Variants in ANKS1B observed in about 807,000 individuals in gnomAD.
ANKS1B encodes the protein ankyrin repeat and sterile alpha motif domain-containing protein 1B.
In ANKS1B, 36 loss-of-function variants were observed where a neutral mutation model predicts 148.3. That is an observed-to-expected ratio of 0.24 (90% CI 0.19 to 0.32). The LOEUF (loss-of-function observed/expected upper bound fraction) is 0.32. Among genes scored for constraint, ANKS1B ranks in the 10% least tolerant of loss-of-function variants. The probability of loss-of-function intolerance (pLI) is 1.00; values close to 1 mark genes in which losing one functional copy is unlikely to be tolerated. For missense variants in ANKS1B, 1,157 were observed against 1,542.6 expected (o/e 0.75, Z 4.19); for synonymous variants, 542 against 560.8 (o/e 0.97, Z 0.47).
At chr12:99,661,843 T>C (rs1393032748) in intron 8 of ANKS1B, among the ~76,000 whole-genome samples, 2 of 152,226 alleles carry the variant, frequency 1.3e-5, no homozygotes, top group African/African-American at 2.4e-5. Flanking sequence ...GGCTAAGTCA[T>C]AACCATGGGA....
intron 14 of ANKS1B, among the ~76,000 whole-genome samples, chr12:99,200,179 T>C (rs986944895): frequency 6.6e-6 from 1 of 152,248 alleles, no homozygotes; most frequent in African/African-American, 2.4e-5. Flanking sequence ...AGAAAAATAC[T>C]TGCATTCTAG....
At chr12:99,652,923 T>C (rs575496818) in intron 9 of ANKS1B, among the ~76,000 whole-genome samples, 1 of 152,252 alleles carries the variant, frequency 6.6e-6, no homozygotes, top group South Asian at 2.1e-4. Context: ...CTAAATAAGA[T>C]GAATTAAATG....
chr12:99,856,492 CA>C (rs879662489), intron 1 of ANKS1B, among the ~76,000 whole-genome samples: 16 of 151,786 alleles, frequency 1.1e-4, no homozygotes, highest in Non-Finnish European at 2.4e-4. Context: ...GACATTATTC[CA>C]AAAGAGAGAA....
chr12:99,198,110 C>T (rs571258588), intron 14 of ANKS1B, among the ~76,000 whole-genome samples: 1 of 152,204 alleles, frequency 6.6e-6, no homozygotes, highest in African/African-American at 2.4e-5. Flanking sequence ...CTTAGCATCA[C>T]TCCTAGGAAT....
At chr12:99,819,554 A>G (rs562369781) in intron 2 of ANKS1B, among the ~76,000 whole-genome samples, 2 of 152,020 alleles carry the variant, frequency 1.3e-5, no homozygotes, top group East Asian at 3.9e-4. Context: ...GTAGAAGAAT[A>G]GAAAATATCT....
intron 1 of ANKS1B, among the ~76,000 whole-genome samples, chr12:99,952,802 T>C (rs554232836): frequency 7.2e-4 from 109 of 152,340 alleles, no homozygotes; most frequent in African/African-American, 2.1e-3. Flanking sequence ...GCATTCTTCC[T>C]TTATTTTTCA....
At chr12:99,190,030 T>C (rs775877364) in intron 14 of ANKS1B, among the ~76,000 whole-genome samples, 1 of 152,116 alleles carries the variant, frequency 6.6e-6, no homozygotes, top group Non-Finnish European at 1.5e-5. Context: ...ATCACAAGCA[T>C]TCCTATACAT....
intron 17 of ANKS1B, among the ~76,000 whole-genome samples, chr12:98,926,996 T>C (rs902600040): frequency 3.0e-4 from 45 of 152,102 alleles, no homozygotes; most frequent in Non-Finnish European, 4.4e-5. Flanking sequence ...ATGAAAACTA[T>C]TAATCCACAC....
At chr12:99,746,969 G>A (rs2060655687) in intron 8 of ANKS1B, among the ~76,000 whole-genome samples, 2 of 151,978 alleles carry the variant, frequency 1.3e-5, no homozygotes, top group South Asian at 2.1e-4. Context: ...TCATGGAACT[G>A]GAACTACAAA....
intron 22 of ANKS1B, among the ~76,000 whole-genome samples, chr12:98,787,777 G>A (rs914724688): frequency 5.3e-5 from 8 of 151,778 alleles, no homozygotes; most frequent in East Asian, 1.9e-4. Flanking sequence ...ATAATTAGCC[G>A]GGCATGGTGG....
chr12:99,329,964 T>C lies in ANKS1B; in HGVS notation c.1756+69667A>G, dbSNP rs145507514. Among the ~76,000 whole-genome samples, 605 of 152,034 alleles carry C rather than the reference T, an allele frequency of 4.0e-3. 4 individuals are homozygous for C. The highest frequency in any genetic ancestry group is 0.014 in the African/African-American group (576 of 41,516). ...GCATTCACATTTATCATTGTTCTTA[T>C]GTCCTAAACTTGCATCTATTTCTCC... On this transcript the variant is annotated intron_variant, in intron 12 of 26. Transcript: ENST00000683438.
intron 11 of ANKS1B, among the ~76,000 whole-genome samples, chr12:99,410,352 A>AT: frequency 6.6e-6 from 1 of 151,844 alleles, no homozygotes; most frequent in East Asian, 1.9e-4. Flanking sequence ...AAAAAAAAAA[A>AT]TTGTGACCCT....
intron 12 of ANKS1B, among the ~76,000 whole-genome samples, chr12:99,250,314 G>A (rs2074416720): frequency 6.6e-6 from 1 of 152,202 alleles, no homozygotes; most frequent in Admixed American, 6.5e-5. Flanking sequence ...ACGATTGTTA[G>A]TTTGCATAAG....
intron 9 of ANKS1B, among the ~76,000 whole-genome samples, chr12:99,528,319 G>A (rs957028713): frequency 2.6e-5 from 4 of 151,348 alleles, no homozygotes; most frequent in Non-Finnish European, 5.9e-5. Context: ...ACTAGACAAA[G>A]ATTTCCTGAT....
intron 24 of ANKS1B, among the ~76,000 whole-genome samples, chr12:98,774,515 G>GA (rs1396284954): frequency 6.6e-6 from 1 of 152,206 alleles, no homozygotes; most frequent in East Asian, 1.9e-4. Context: ...AAGAAAAAAA[G>GA]AAAAAAATTC....
intron 1 of ANKS1B, among the ~76,000 whole-genome samples, chr12:99,903,646 C>T (rs2153774478): frequency 6.6e-6 from 1 of 152,036 alleles, no homozygotes; most frequent in African/African-American, 2.4e-5. Flanking sequence ...TGTATTTAAA[C>T]CAATGTATCC....
At chr12:99,334,083 C>T (rs1301271621) in intron 12 of ANKS1B, among the ~76,000 whole-genome samples, 1 of 151,622 alleles carries the variant, frequency 6.6e-6, no homozygotes, top group Non-Finnish European at 1.5e-5. Context: ...TCATGTTTAG[C>T]TTGACTTCCA....
intron 25 of ANKS1B, among the ~76,000 whole-genome samples, chr12:98,759,590 G>A (rs1335244884): frequency 6.6e-6 from 1 of 152,168 alleles, no homozygotes; most frequent in Non-Finnish European, 1.5e-5. Flanking sequence ...ATTTTAACTG[G>A]TACATCACTA....
At chr12:99,484,927 TCTC>T (rs1269219139) in intron 10 of ANKS1B, among the ~76,000 whole-genome samples, 1 of 151,818 alleles carries the variant, frequency 6.6e-6, no homozygotes, top group Non-Finnish European at 1.5e-5. Flanking sequence ...ATATAATGAA[TCTC>T]CTGAAGACAG....
Sources: allele counts gnomAD v4.1 joint callset (sites outside exome capture counted in the v4.1 genomes callset), GRCh38; gene constraint gnomAD v4.1.1; transcripts MANE v1.5; gene names NCBI Gene and HGNC (gene_info 2026-07-23, HGNC 2026-07-21).